DDX10: variants seen among roughly 807,000 people sequenced by gnomAD.
The protein encoded by DDX10 is DEAD-box helicase 10.
In DDX10, 74 loss-of-function variants were observed where a neutral mutation model predicts 104.3. The observed-to-expected ratio is 0.71, with a 90% confidence interval of 0.59 to 0.86. The LOEUF is 0.86. DDX10 is among the 40% of genes least tolerant of loss of function. DDX10 has a pLI of 0.00. For synonymous variants in DDX10, 351 were observed against 353.4 expected (o/e 0.99, Z 0.08); for missense variants, 952 against 1,040.0 (o/e 0.92, Z 1.16).
chr11:108,846,190 T>C (rs1371609195), intron 15 of DDX10, among the ~76,000 whole-genome samples: 1 of 152,222 alleles, frequency 6.6e-6, no homozygotes, highest in East Asian at 1.9e-4. Context: ...TGTCATTACA[T>C]GTATATGTTG....
intron 13 of DDX10, among the ~76,000 whole-genome samples, chr11:108,739,333 G>A (rs1156304290): frequency 6.6e-6 from 1 of 152,170 alleles, no homozygotes; most frequent in African/African-American, 2.4e-5. Flanking sequence ...CATTGCTTTT[G>A]TTTTGTTTGA....
At chr11:108,801,750 A>G (rs965052126) in intron 13 of DDX10, among the ~76,000 whole-genome samples, 5 of 152,016 alleles carry the variant, frequency 3.3e-5, no homozygotes, top group Non-Finnish European at 4.4e-5. Context: ...TTTTTTTTTA[A>G]ACACCGAAAT....
At chr11:108,688,584 G>A (rs2094247780) in intron 6 of DDX10, among the ~76,000 whole-genome samples, 1 of 152,166 alleles carries the variant, frequency 6.6e-6, no homozygotes, top group African/African-American at 2.4e-5. Context: ...TTTGATGAAT[G>A]TGTATATCTC....
At chr11:108,674,248 C>T (rs182862209) in intron 2 of DDX10, among the ~76,000 whole-genome samples, 24 of 151,642 alleles carry the variant, frequency 1.6e-4, no homozygotes, top group African/African-American at 5.1e-4. Context: ...ACCTGGGAGG[C>T]GGGTTCATGC....
chr11:108,894,991 A>G lies in DDX10; in HGVS notation c.2305-22882A>G, dbSNP rs755213672. ...TTGTAGTTGGCATTTGCTCTGTTCT[A>G]TATTTTAGATCATAACTACTTTGGA... On this transcript the variant is annotated intron_variant, in intron 16 of 17. Coordinates refer to ENST00000322536, the MANE Select transcript of DDX10 (RefSeq NM_004398.4). Among the ~76,000 whole-genome samples the G allele has an allele frequency of 9.2e-5, 14 of 151,942 alleles. No homozygotes were observed. In the South Asian group the frequency reaches 1.0e-3, roughly 11 times the overall value.
intron 13 of DDX10, among the ~76,000 whole-genome samples, chr11:108,812,091 A>G (rs961277334): frequency 6.6e-6 from 1 of 152,154 alleles, no homozygotes; most frequent in African/African-American, 2.4e-5. Flanking sequence ...AAAAGTATTG[A>G]TAACTTTGCT....
At chr11:108,810,239 G>C (rs1862160443) in intron 13 of DDX10, among the ~76,000 whole-genome samples, 1 of 152,184 alleles carries the variant, frequency 6.6e-6, no homozygotes. Context: ...AACATCTGTT[G>C]TATTTGTAAT....
intron 13 of DDX10, among the ~76,000 whole-genome samples, chr11:108,736,332 G>A (rs182097562): frequency 5.3e-5 from 8 of 152,002 alleles, no homozygotes; most frequent in African/African-American, 9.6e-5. Context: ...GTGTGTATTC[G>A]TAACATAGTG....
intron 2 of DDX10, among the ~76,000 whole-genome samples, chr11:108,674,688 T>A (rs937359681): frequency 6.6e-6 from 1 of 152,042 alleles, no homozygotes; most frequent in Non-Finnish European, 1.5e-5. Context: ...TTTTTAAAAA[T>A]TTTTGGTAGA....
At chr11:108,872,699 C>T (rs570092109) in intron 16 of DDX10, among the ~76,000 whole-genome samples, 1 of 152,214 alleles carries the variant, frequency 6.6e-6, no homozygotes, top group South Asian at 2.1e-4. Flanking sequence ...AATTGTGGCA[C>T]CCAGTGGGAT....
intron 13 of DDX10, among the ~76,000 whole-genome samples, chr11:108,738,038 A>C (rs977375821): frequency 3.3e-5 from 5 of 152,072 alleles, no homozygotes; most frequent in Non-Finnish European, 5.9e-5. Context: ...ATGGTTGCAT[A>C]TTCCAAAAAC....
At chr11:108,932,809 T>C (rs1863990414) in intron 17 of DDX10, among the ~76,000 whole-genome samples, 3 of 152,076 alleles carry the variant, frequency 2.0e-5, no homozygotes, top group African/African-American at 4.8e-5. Context: ...AATTTCAATT[T>C]TTACTTTTAA....
intron 16 of DDX10, among the ~76,000 whole-genome samples, chr11:108,900,905 G>A (rs1863508778): frequency 6.6e-6 from 1 of 152,152 alleles, no homozygotes; most frequent in Admixed American, 6.5e-5. Context: ...CACAGTTCAT[G>A]TCTTGTGTCT....
At position 108,723,344 on chromosome 11, in the gene DDX10, TC is replaced by T; in HGVS notation, c.1848del (p.Lys617ArgfsTer20). 1 of 1,613,896 alleles carries T rather than the reference TC, an allele frequency of 6.2e-7. No individual in the cohort carries two copies. The highest frequency in any genetic ancestry group is 8.5e-7 in the Non-Finnish European group (1 of 1,179,918). On this transcript the variant is annotated frameshift_variant, in exon 13 of 18. Coordinates refer to ENST00000322536, the MANE Select transcript of DDX10 (RefSeq NM_004398.4). LOFTEE classifies it high-confidence loss of function. Reference sequence around the variant, plus strand: ...CCTAACACCAGTGAGGCACAGAAGATCAAGGAAGTTCCTACACAGTTCTTGG... The same window carrying T: ...CCTAACACCAGTGAGGCACAGAAGATAAGGAAGTTCCTACACAGTTCTTGG... ...SLPNTSEAQK[I>X]KEVPTQFLDR...
Position 108,758,383 on chromosome 11 carries a change from A to T in DDX10, c.1965+34921A>T, listed in dbSNP as rs566364544. 3.5e-4 allele frequency among the ~76,000 whole-genome samples: 53 copies of T among 152,218 alleles called. No homozygotes were observed. The South Asian group carries it at 0.01, about 30-fold the overall frequency. ...GTAAAACTTCTGGCTTTGGTAAAAC[A>T]TTAGGACAGGAGGATCTGTATCATG... On this transcript the variant is annotated intron_variant, in intron 13 of 17. Transcript: ENST00000322536.
intron 15 of DDX10, among the ~76,000 whole-genome samples, chr11:108,845,930 T>C (rs899442214): frequency 9.8e-5 from 15 of 152,328 alleles, no homozygotes; most frequent in Non-Finnish European, 5.9e-5. Context: ...ATTCTTAGTA[T>C]AGTAGGATTC....
At chr11:108,841,030 T>A (rs191563584) in intron 14 of DDX10, among the ~76,000 whole-genome samples, 77 of 152,344 alleles carry the variant, frequency 5.1e-4, no homozygotes, top group Non-Finnish European at 9.0e-4. Flanking sequence ...GAATGCTGTT[T>A]GGAAAGATGC....
intron 13 of DDX10, among the ~76,000 whole-genome samples, chr11:108,807,542 A>G (rs1862117530): frequency 1.3e-5 from 2 of 152,200 alleles, no homozygotes; most frequent in South Asian, 2.1e-4. Flanking sequence ...TGTGGTGACA[A>G]TGCCTCACGT....
intron 16 of DDX10, among the ~76,000 whole-genome samples, chr11:108,894,359 T>C (rs1299081362): frequency 6.6e-6 from 1 of 152,060 alleles, no homozygotes; most frequent in African/African-American, 2.4e-5. Context: ...TCCTTTCTAA[T>C]ACACTTGAGA....
Sources: allele counts gnomAD v4.1 joint callset (sites outside exome capture counted in the v4.1 genomes callset), GRCh38; gene constraint gnomAD v4.1.1; transcripts MANE v1.5; gene names NCBI Gene and HGNC (gene_info 2026-07-23, HGNC 2026-07-21).